Variants in USF3 observed in about 807,000 individuals in gnomAD.
USF3 encodes upstream transcription factor family member 3, also known as basic helix-loop-helix domain-containing protein USF3.
A neutral mutation model predicts 157.5 loss-of-function variants in USF3; 29 were observed. That is an observed-to-expected ratio of 0.18 (90% confidence interval 0.14 to 0.25). The LOEUF (loss-of-function observed/expected upper bound fraction) is 0.25. Ranked by LOEUF, USF3 falls within the 10% of genes least tolerant of loss-of-function variation. The probability of loss-of-function intolerance (pLI) is 1.00; values close to 1 mark genes in which losing one functional copy is unlikely to be tolerated. For synonymous variants in USF3, 893 were observed against 941.4 expected (o/e 0.95, Z 0.94); for missense variants, 2,381 against 2,667.6 (o/e 0.89, Z 2.37).
In USF3 at chr3:113,659,034, G is replaced by C; in HGVS notation, c.2648C>G (p.Ser883Cys). The C allele has an allele frequency of 1.2e-6, 2 of 1,614,164 alleles. No individual in the cohort carries two copies. The highest frequency in any genetic ancestry group is 1.7e-6 in the Non-Finnish European group (2 of 1,180,034). Residue 883 changes from serine (S) to cysteine (C), a missense_variant, in exon 7 of 7, where the codon TCT (serine) becomes TGT (cysteine). Ser to Cys is a moderately radical substitution (Grantham distance 112, BLOSUM62 -1). Coordinates refer to ENST00000316407, the MANE Select transcript of USF3 (RefSeq NM_001009899.4). ...TGGGCTGGACTTTTCTGCTGACTTA[G>C]ATTTCGATACAGACTCAGGTATTAA... ...ESLIPESVSKSKSAEKSSPPS... is the reference protein window; with the variant it reads ...ESLIPESVSKCKSAEKSSPPS...
rs140294608 is a variant in USF3, at chr3:113,687,718, C to T, written c.-135+8652G>A. Among the ~76,000 whole-genome samples the T allele has an allele frequency of 1.8e-3, 276 of 152,276 alleles. 1 individual carries two copies. The highest frequency in any genetic ancestry group is 6.4e-3 in the African/African-American group (268 of 41,556). On this transcript the variant is annotated intron_variant, in intron 1 of 6. Transcript: ENST00000316407. ...TTACTAATTTCCTCAACTCTAATAA[C>T]CATATAAATTGGTTCCAGAATGCTA...
chr3:113,683,528 G>C (rs1022061614), intron 1 of USF3, among the ~76,000 whole-genome samples: 21 of 135,456 alleles, frequency 1.6e-4, no homozygotes, highest in African/African-American at 5.0e-4. Context: ...GAGTACAGTG[G>C]TGCAATCTCA....
At chr3:113,685,392 T>G (rs780041980) in intron 1 of USF3, among the ~76,000 whole-genome samples, 13 of 152,286 alleles carry the variant, frequency 8.5e-5, no homozygotes, top group South Asian at 4.2e-4. Flanking sequence ...GGCTCTTTAG[T>G]CAGCAGATGA....
chr3:113,677,387 C>T lies in USF3; in HGVS notation c.-124G>A, dbSNP rs62265549. On this transcript the variant is annotated 5_prime_UTR_variant, in exon 2 of 7. Coordinates refer to ENST00000316407, the MANE Select transcript of USF3 (RefSeq NM_001009899.4). ...GCCAGAAGATGGTCTATGGGTTATG[C>T]TTTCTTCTTACTACACAAGAGAAAA... 0.3 allele frequency: 45,653 copies of T among 151,946 alleles called. 7,069 individuals are homozygous for T. The highest frequency in any genetic ancestry group is 0.35 in the Non-Finnish European group (23,493 of 67,922). The allele number at this position is 151,946 out of a possible 1,614,324, so 9.4% of individuals were successfully genotyped here.
Position 113,655,593 on chromosome 3 carries a change from G to C in USF3, c.6089C>G (p.Ala2030Gly), listed in dbSNP as rs1560171555. 6.2e-7 allele frequency: 1 copy of C among 1,614,080 alleles called. No individual in the cohort carries two copies. The highest frequency in any genetic ancestry group is 2.2e-5 in the East Asian group (1 of 44,884). Residue 2030 changes from alanine to glycine, a missense_variant, in exon 7 of 7, where the codon GCC becomes GGC. Around this residue, in one of 6 missense-constraint regions of USF3, gnomAD observed 770 missense variants for 824.2 expected, o/e 0.93. Transcript: ENST00000316407. ...GSMILGRQQP[A>G]TEKRGSIVRF... is the part of the protein sequence containing the mutation. Reference sequence around the variant, plus strand: ...AACAATACTTCCTCTCTTCTCTGTGGCAGGTTGTTGACGTCCAAGAATCAT... The same window carrying C: ...AACAATACTTCCTCTCTTCTCTGTGCCAGGTTGTTGACGTCCAAGAATCAT...
chr3:113,679,357 C>T lies in USF3; in HGVS notation c.-134-1960G>A, dbSNP rs150302498. Among the ~76,000 whole-genome samples the T allele has an allele frequency of 3.9e-3, 584 of 150,782 alleles. 4 individuals carry two copies. The highest frequency in any genetic ancestry group is 0.013 in the African/African-American group (553 of 41,020). ...TTCAATGGGTTTTGACGAATGCACA[C>T]AACTGTATGACCCAACCCCATCAAG... On this transcript the variant is annotated intron_variant, in intron 1 of 6. Coordinates refer to ENST00000316407, the MANE Select transcript of USF3 (RefSeq NM_001009899.4).
chr3:113,660,164 C>G lies in USF3; in HGVS notation c.1518G>C (p.Met506Ile), dbSNP rs754434389. The change falls in exon 7 of 7, where the codon ATG becomes ATC. Residue 506 changes from methionine to isoleucine, a missense_variant. Physicochemically the swap from Met to Ile is conservative, Grantham distance 10. This residue lies in a region of USF3 where 1,435 missense variants were observed against 1,550.9 expected (regional missense o/e 0.93). Transcript: ENST00000316407. The part of the protein sequence containing the change: ...VTLPSCPSLP[M>I]QPLIAQPQVK... ...CTTGTGGCTGGGCAATTAGTGGCTGCATAGGTAAAGATGGACAAGAAGGCA... is the reference window on the plus strand; with the variant it reads ...CTTGTGGCTGGGCAATTAGTGGCTGGATAGGTAAAGATGGACAAGAAGGCA... 2 of 1,614,132 alleles carry G rather than the reference C, an allele frequency of 1.2e-6. No homozygotes were observed. The highest frequency in any genetic ancestry group is 3.3e-5 in the Admixed American group (2 of 60,012).
chr3:113,661,319 C>T lies in USF3; in HGVS notation c.363G>A (p.Pro121=), dbSNP rs377451529. Residue 121 remains proline, a synonymous_variant, in exon 7 of 7, where the codon CCG becomes CCA. Coordinates refer to ENST00000316407, the MANE Select transcript of USF3 (RefSeq NM_001009899.4). ...TAAGATTTCCTTTCCAGTGAATTGT[C>T]GGGTCATCATATAAGCATATGTCAT... is the stretch of plus-strand genomic sequence containing the variant. ...KANDICLYDD[P]TIHWKGNLKN... The T allele has an allele frequency of 1.4e-4, 220 of 1,613,792 alleles. No homozygotes were observed. The highest frequency in any genetic ancestry group is 1.7e-4 in the Non-Finnish European group (201 of 1,179,836).
chr3:113,661,423 C>A lies in USF3; in HGVS notation c.259G>T (p.Glu87Ter). ...LLNGGNNEQAEEIKKLRKQLE... is the reference protein window; with the variant it reads ...LLNGGNNEQA ...TGTTTCCGTAGCTTTTTTATTTCTT[C>A]AGCTATAATATTAAAAACAAAAATT... Residue 87 changes from glutamate to a stop codon, truncating the protein, a stop_gained and splice_region_variant, in exon 7 of 7, where the codon GAA (glutamate) becomes TAA (stop). Transcript: ENST00000316407. LOFTEE classifies it high-confidence loss of function. 6.5e-7 allele frequency: 1 copy of A among 1,536,552 alleles called. No homozygotes were observed. Among genetic ancestry groups the A allele is most frequent in the Non-Finnish European group, 8.7e-7 (1 of 1,145,356 alleles).
rs753083381 is a variant in USF3 at position 113,656,423 on chromosome 3, T to C, written c.5259A>G (p.Gln1753=). The change falls in exon 7 of 7, where the codon CAA becomes CAG. Residue 1753 remains glutamine (Q), a synonymous_variant. Transcript: ENST00000316407. ...SQQPQSNFEV[Q]SSRNNEIGNP... ...TACCTATTTCATTGTTTCTTGAAGA[T>C]TGTACTTCAAAATTACTCTGGGGCT... 20 of 1,614,050 alleles carry C rather than the reference T, an allele frequency of 1.2e-5. No homozygotes were observed. The highest frequency in any genetic ancestry group is 5.0e-5 in the Admixed American group (3 of 60,004).
At chr3:113,680,773 G>C (rs1401898447) in intron 1 of USF3, among the ~76,000 whole-genome samples, 1 of 149,434 alleles carries the variant, frequency 6.7e-6, no homozygotes, top group East Asian at 2.0e-4. Flanking sequence ...ACTCCAGCGT[G>C]AGTGACAGAA....
Position 113,653,049 on chromosome 3 carries a change from G to A in USF3, c.*1895C>T. ...ACGACACTCCAGCCTGGGTGACAGA[G>A]TCTCAAAAAAAAAAGAAAAGAAGAA... is the stretch of plus-strand genomic sequence containing the variant. On this transcript the variant is annotated 3_prime_UTR_variant, in exon 7 of 7. Transcript: ENST00000316407. The A allele has an allele frequency of 2.7e-6, 1 of 374,812 alleles. No individual in the cohort carries two copies. Among genetic ancestry groups the A allele is most frequent in the Non-Finnish European group, 4.5e-6 (1 of 219,864 alleles). 23.2% of individuals were successfully genotyped at this position (374,812 alleles called of 1,614,324 possible).
At position 113,660,852 on chromosome 3, in the gene USF3, T is replaced by C. The variant is rs367902928; in HGVS notation, c.830A>G (p.Asp277Gly). Residue 277 changes from aspartate to glycine, a missense_variant, in exon 7 of 7, where the codon GAT (aspartate) becomes GGT (glycine). Asp to Gly is a moderately conservative substitution (Grantham distance 94, BLOSUM62 -1). This residue lies in a region of USF3 where 1,435 missense variants were observed against 1,550.9 expected (regional missense o/e 0.93). Transcript: ENST00000316407. ...QHHSLHTCLN[D>G]QNSSENKNGQ... ...ATTCTTATTTTCAGAAGAATTTTGA[T>C]CATTTAGGCATGTGTGCAAAGAATG... 1.1e-5 allele frequency: 18 copies of C among 1,614,052 alleles called. No homozygotes were observed. Among genetic ancestry groups the C allele is most frequent in the Admixed American group, 3.3e-5 (2 of 60,000 alleles).
At position 113,654,860 on chromosome 3, in the gene USF3, C is replaced by A; in HGVS notation, c.*84G>T. 1 of 1,409,120 alleles carries A rather than the reference C, an allele frequency of 7.1e-7. No individual in the cohort carries two copies. The highest frequency in any genetic ancestry group is 1.4e-5 in the South Asian group (1 of 71,178). 87.3% of individuals were successfully genotyped at this position (1,409,120 alleles called of 1,614,324 possible). A position where few individuals can be genotyped will look rare whatever the true frequency, so the allele number is the denominator to read the frequency against. ...ATACAGACACACACACACAATCCTT[C>A]TCTTCATGTACATGTCTGTGCACAT... On this transcript the variant is annotated 3_prime_UTR_variant, in exon 7 of 7. Coordinates refer to ENST00000316407, the MANE Select transcript of USF3 (RefSeq NM_001009899.4).
At chr3:113,672,341 G>A (rs1707177802) in intron 4 of USF3, among the ~76,000 whole-genome samples, 1 of 151,800 alleles carries the variant, frequency 6.6e-6, no homozygotes, top group Admixed American at 6.6e-5. Flanking sequence ...GGCCAGGCTG[G>A]TCTCAAACTC....
intron 1 of USF3, among the ~76,000 whole-genome samples, chr3:113,695,366 C>T (rs1246565198): frequency 1.3e-5 from 2 of 152,176 alleles, no homozygotes; most frequent in Admixed American, 6.5e-5. Flanking sequence ...AGTAGGACAG[C>T]CTGTTGATCC....
At position 113,660,263 on chromosome 3, in the gene USF3, A is replaced by G. The variant is rs1306930192; in HGVS notation, c.1419T>C (p.Tyr473=). The G allele has an allele frequency of 1.9e-6, 3 of 1,614,212 alleles. No homozygotes were observed. The highest frequency in any genetic ancestry group is 1.1e-5 in the South Asian group (1 of 91,084). The part of the protein sequence containing the change: ...TSPTTSNHSR[Y]VATDINLNNS... ...TATTCAAGTTGATGTCTGTAGCCAC[A>G]TATCTACTGTGGTTGCTTGTGGTGG... The change falls in exon 7 of 7, where the codon TAT becomes TAC. Residue 473 remains tyrosine (Y), a synonymous_variant. Coordinates refer to ENST00000316407, the MANE Select transcript of USF3 (RefSeq NM_001009899.4).
intron 1 of USF3, among the ~76,000 whole-genome samples, chr3:113,691,175 T>C (rs1476830590): frequency 6.6e-6 from 1 of 152,150 alleles, no homozygotes; most frequent in Non-Finnish European, 1.5e-5. Flanking sequence ...GGAGACAGAG[T>C]GAGATCCCAT....
intron 1 of USF3, among the ~76,000 whole-genome samples, chr3:113,687,258 CA>C (rs1559725148): frequency 7.3e-5 from 11 of 151,554 alleles, no homozygotes; most frequent in Admixed American, 7.2e-4. Context: ...CACACACACA[CA>C]CACACACCCC....
Sources: gnomAD v4.1 joint callset for allele counts (sites outside exome capture counted in the v4.1 genomes callset) on GRCh38, gnomAD v4.1.1 for gene constraint, gnomAD v4.1.1 regional missense constraint, MANE v1.5 for transcripts, NCBI Gene and HGNC (gene_info 2026-07-23, HGNC 2026-07-21) for gene names.